SMYD5: variants seen among roughly 807,000 people sequenced by gnomAD.
The protein encoded by SMYD5 is protein-lysine N-trimethyltransferase SMYD5.
In SMYD5, 35 loss-of-function variants were observed where a neutral mutation model predicts 57.4. The ratio of observed to expected loss-of-function variants is 0.61; its 90% CI spans 0.47 to 0.81. The LOEUF (loss-of-function observed/expected upper bound fraction) is 0.81. Ranked by LOEUF, SMYD5 falls within the 30% of genes least tolerant of loss-of-function variation. The pLI, the probability that SMYD5 is intolerant of heterozygous loss-of-function variation, is 0.00. For missense variants in SMYD5, 471 were observed against 527.9 expected, an observed-to-expected ratio of 0.89 and a Z score of 1.06; for synonymous variants, 198 against 189.7, an observed-to-expected ratio of 1.04 and a Z score of -0.36.
chr2:73,217,280 T>G (rs189797685), intron 1 of SMYD5, among the ~76,000 whole-genome samples: 1 of 152,324 alleles, frequency 6.6e-6, no homozygotes, highest in African/African-American at 2.4e-5. Context: ...AGAGCTCTGT[T>G]TTCCTTGAAA....
chr2:73,214,563 G>C (rs567731939), intron 1 of SMYD5: 19 of 1,489,978 alleles, frequency 1.3e-5, no homozygotes, highest in South Asian at 1.1e-4. Context: ...CGGGCCTCCG[G>C]AGTCTCCGTG....
chr2:73,226,063 G>C lies in SMYD5; in HGVS notation c.*117G>C. 2 of 1,367,486 alleles carry C rather than the reference G, an allele frequency of 1.5e-6. No homozygotes were observed. The highest frequency in any genetic ancestry group is 2.0e-6 in the Non-Finnish European group (2 of 1,021,544). 84.7% of individuals were successfully genotyped at this position (1,367,486 alleles called of 1,614,324 possible). ...CCCATTGCCTGCTTTCCCCATTCCA[G>C]CCCTCTCTGCTAGAGGGTAGGAGAG... On this transcript the variant is annotated 3_prime_UTR_variant, in exon 13 of 13. Coordinates refer to ENST00000389501, the MANE Select transcript of SMYD5 (RefSeq NM_006062.3).
rs1244582153 is a variant in SMYD5 at position 73,220,136 on chromosome 2, C to T, written c.291C>T (p.His97=). The change falls in exon 3 of 13, where the codon CAC becomes CAT. Residue 97 remains histidine, a synonymous_variant. Transcript: ENST00000389501. ...LTGKPGQVLP[H]PELCTVRKDL... is the part of the protein sequence containing the mutation. ...GGAAACCAGGCCAGGTTCTGCCTCA[C>T]CCAGAGCTGTGCACTGTGCGCAAAG... 2 of 1,614,060 alleles carry T rather than the reference C, an allele frequency of 1.2e-6. No homozygotes were observed. Among genetic ancestry groups the T allele is most frequent in the Non-Finnish European group, 1.7e-6 (2 of 1,180,042 alleles).
rs530390318 is a variant in SMYD5, at chr2:73,221,160, C to T, written c.468-5C>T. The T allele has an allele frequency of 5.0e-6, 8 of 1,613,330 alleles. No individual in the cohort carries two copies. The highest frequency in any genetic ancestry group is 1.7e-4 in the Middle Eastern group (1 of 6,060). ...TCTAGGCCAATCTTTTTTCTCTTTC[C>T]CCAGGAGTATTCACTACCCACCTGA... is the stretch of plus-strand genomic sequence containing the variant. On this transcript the variant is annotated splice_region_variant and splice_polypyrimidine_tract_variant and intron_variant, in intron 4 of 12. Transcript: ENST00000389501.
rs1212501202 is a variant in SMYD5 at position 73,226,497 on chromosome 2, C to T, written c.*551C>T. 1 of 153,716 alleles carries T rather than the reference C, an allele frequency of 6.5e-6. No homozygotes were observed. Among genetic ancestry groups the T allele is most frequent in the Non-Finnish European group, 1.4e-5 (1 of 69,074 alleles). The allele number at this position is 153,716 out of a possible 1,614,324, so 9.5% of individuals were successfully genotyped here. On this transcript the variant is annotated 3_prime_UTR_variant, in exon 13 of 13. Coordinates refer to ENST00000389501, the MANE Select transcript of SMYD5 (RefSeq NM_006062.3). ...GATCTGGGCATCCTGAGCCCCTTCC[C>T]TGAGGCTGTCTCCTGGGAATGCTGG...
intron 3 of SMYD5, 104 bp from the exon 4 acceptor site, chr2:73,220,557 T>C: frequency 7.4e-7 from 1 of 1,356,348 alleles, no homozygotes; most frequent in Non-Finnish European, 1.0e-6. Flanking sequence ...CTTCTCATGA[T>C]ACATCTGAGC....
chr2:73,225,713 G>A lies in SMYD5; in HGVS notation c.1106+12G>A. Reference sequence around the variant, plus strand: ...CACAAGATCCTCAGGTGCCAGCTGGGGACATGGTTGTGCAGCTGGGCTCTG... The same window carrying A: ...CACAAGATCCTCAGGTGCCAGCTGGAGACATGGTTGTGCAGCTGGGCTCTG... On this transcript the variant is annotated intron_variant, in intron 12 of 12. Coordinates refer to ENST00000389501, the MANE Select transcript of SMYD5 (RefSeq NM_006062.3). 6.2e-7 allele frequency: 1 copy of A among 1,614,190 alleles called. No individual in the cohort carries two copies. Among genetic ancestry groups the A allele is most frequent in the East Asian group, 2.2e-5 (1 of 44,886 alleles).
rs759226759 is a variant in SMYD5 at position 73,214,292 on chromosome 2, TCTC to T, written c.29_31del (p.Ser10del). On this transcript the variant is annotated inframe_deletion, in exon 1 of 13. Transcript: ENST00000389501. ...ATGGCGGCCTCCATGTGCGACGTGT[TCTC>T]CTTCTGCGTGGGCGTGGCGGGCCGC... The T allele has an allele frequency of 1.9e-6, 3 of 1,613,636 alleles. No homozygotes were observed. The highest frequency in any genetic ancestry group is 1.6e-4 in the Middle Eastern group (1 of 6,062).
Position 73,218,853 on chromosome 2 carries a change from C to A in SMYD5, c.97-8C>A. The A allele has an allele frequency of 1.2e-6, 2 of 1,605,222 alleles. No homozygotes were observed. Among genetic ancestry groups the A allele is most frequent in the Non-Finnish European group, 1.7e-6 (2 of 1,171,830 alleles). On this transcript the variant is annotated splice_region_variant and splice_polypyrimidine_tract_variant and intron_variant, in intron 1 of 12. Transcript: ENST00000389501. ...TTTTATGGCCATCCTATCCCTCTGC[C>A]CTCTCAGGGAAAGGGGCTGTTTGCC...
At chr2:73,220,287 C>A in intron 3 of SMYD5, 97 bp downstream of exon 3, 2 of 1,358,472 alleles carry the variant, frequency 1.5e-6, no homozygotes, top group South Asian at 1.3e-5. Flanking sequence ...CAGACCTGGT[C>A]ATGGCCCTTG....
Position 73,214,277 on chromosome 2 carries a change from C to A in SMYD5, c.11C>A (p.Ser4Tyr), listed in dbSNP as rs776964396. 1.9e-6 allele frequency: 3 copies of A among 1,613,874 alleles called. No homozygotes were observed. The South Asian group carries it at 3.3e-5, about 18-fold the overall frequency. Residue 4 changes from serine (S) to tyrosine (Y), a missense_variant, in exon 1 of 13, where the codon TCC becomes TAC. Transcript: ENST00000389501. MAA[S>Y]MCDVFSFCVG... is the part of the protein sequence containing the mutation. ...GGAGGCGCGCCCAAGATGGCGGCCT[C>A]CATGTGCGACGTGTTCTCCTTCTGC... is the stretch of plus-strand genomic sequence containing the variant.
rs1208618712 is a variant in SMYD5 at position 73,226,157 on chromosome 2, ACT to A, written c.*214_*215del. The A allele has an allele frequency of 6.2e-6, 4 of 643,664 alleles. No individual in the cohort carries two copies. The South Asian group carries it at 6.3e-5, about 10-fold the overall frequency. 39.9% of individuals were successfully genotyped at this position (643,664 alleles called of 1,614,324 possible). ...GGACACTGCTGCTGAGTTGGCTCAG[ACT>A]CTGCACTGGCACTGAGCCTTTCACA... is the stretch of plus-strand genomic sequence containing the variant. On this transcript the variant is annotated 3_prime_UTR_variant, in exon 13 of 13. Coordinates refer to ENST00000389501, the MANE Select transcript of SMYD5 (RefSeq NM_006062.3).
chr2:73,221,054 G>A (rs1686382608), intron 4 of SMYD5, 111 bp from the exon 5 acceptor site: 2 of 1,022,264 alleles, frequency 2.0e-6, no homozygotes, highest in South Asian at 1.4e-5. Context: ...GACTTTCCTG[G>A]TAATTGATGG....
intron 11 of SMYD5, 118 bp from the exon 12 acceptor site, chr2:73,225,513 C>A: frequency 1.1e-6 from 1 of 916,046 alleles, no homozygotes; most frequent in Non-Finnish European, 1.7e-6. Flanking sequence ...CACTGAAGGG[C>A]AACGCAAACT....
At chr2:73,223,270 G>A in intron 8 of SMYD5, 156 bp from the exon 9 acceptor site, 1 of 826,144 alleles carries the variant, frequency 1.2e-6, no homozygotes, top group Non-Finnish European at 2.1e-6. Flanking sequence ...AATCTGTTTT[G>A]GGGAGCCTCT....
At chr2:73,219,992 A>G (rs1437761920) in intron 2 of SMYD5, 59 bp from the exon 3 acceptor site, 8 of 1,611,140 alleles carry the variant, frequency 5.0e-6, no homozygotes, top group Non-Finnish European at 6.8e-6. Context: ...TAGGGCTGTG[A>G]AAGGGATAGA....
chr2:73,216,846 A>C (rs1056430766), intron 1 of SMYD5, among the ~76,000 whole-genome samples: 3 of 152,040 alleles, frequency 2.0e-5, no homozygotes, highest in Admixed American at 1.3e-4. Flanking sequence ...CTAGATTTAC[A>C]GTGTGAGCCA....
chr2:73,226,733 G>C lies in SMYD5; in HGVS notation c.*787G>C, dbSNP rs957219181. 1 of 152,768 alleles carries C rather than the reference G, an allele frequency of 6.5e-6. No homozygotes were observed. The highest frequency in any genetic ancestry group is 2.4e-5 in the African/African-American group (1 of 41,444). 9.5% of individuals were successfully genotyped at this position (152,768 alleles called of 1,614,324 possible). The stretch of plus-strand genomic sequence containing the variant: ...CCTGCTTCCCAATGAGCACTCAGCA[G>C]CATGGCTGAGACCTGGGGCTTGACA... On this transcript the variant is annotated 3_prime_UTR_variant, in exon 13 of 13. Coordinates refer to ENST00000389501, the MANE Select transcript of SMYD5 (RefSeq NM_006062.3).
chr2:73,222,803 G>A lies in SMYD5; in HGVS notation c.691G>A (p.Glu231Lys). ...RRLFTEALYEEAVSQWFTPDG... is the reference protein window; with the variant it reads ...RRLFTEALYEKAVSQWFTPDG... ...ACTCTTCACAGAGGCCCTCTATGAGGAAGCAGTCAGCCAGGTGAGTGAGGA... is the reference window on the plus strand; with the variant it reads ...ACTCTTCACAGAGGCCCTCTATGAGAAAGCAGTCAGCCAGGTGAGTGAGGA... The change falls in exon 7 of 13, where the codon GAA (glutamate) becomes AAA (lysine). Residue 231 changes from glutamate to lysine, a missense_variant. Physicochemically the swap from Glu to Lys is moderately conservative, Grantham distance 56. Coordinates refer to ENST00000389501, the MANE Select transcript of SMYD5 (RefSeq NM_006062.3). 1.9e-6 allele frequency: 3 copies of A among 1,613,984 alleles called. No individual in the cohort carries two copies. Among genetic ancestry groups the A allele is most frequent in the Non-Finnish European group, 2.5e-6 (3 of 1,179,928 alleles).
Sources: gnomAD v4.1 joint callset for allele counts (sites outside exome capture counted in the v4.1 genomes callset) on GRCh38, gnomAD v4.1.1 for gene constraint, MANE v1.5 for transcripts, NCBI Gene and HGNC (gene_info 2026-07-23, HGNC 2026-07-21) for gene names.